ARMC9: variants seen among roughly 807,000 people sequenced by gnomAD.
ARMC9 encodes the protein armadillo repeat containing 9, also known as lisH domain-containing protein ARMC9.
ARMC9 carries 94 observed loss-of-function variants against 107.0 expected under a neutral mutation model. That is an observed-to-expected ratio of 0.88 (90% CI 0.74 to 1.04). The LOEUF (loss-of-function observed/expected upper bound fraction) is 1.04. ARMC9 is among the 50% of genes least tolerant of loss of function. ARMC9 has a pLI of 0.00. For missense variants in ARMC9, 942 were observed against 1,030.1 expected (o/e 0.91, Z 1.17); for synonymous variants, 380 against 396.9 (o/e 0.96, Z 0.51).
intron 19 of ARMC9, 124 bp downstream of exon 19, chr2:231,296,377 T>G: frequency 3.3e-6 from 3 of 897,760 alleles, no homozygotes; most frequent in Non-Finnish European, 5.1e-6. Flanking sequence ...CTCACAATTC[T>G]GAGGGTTGGC....
chr2:231,226,224 A>G (rs2034631471), intron 6 of ARMC9, among the ~76,000 whole-genome samples: 1 of 152,244 alleles, frequency 6.6e-6, no homozygotes, highest in Non-Finnish European at 1.5e-5. Flanking sequence ...ATACTAAGGA[A>G]AAGTTTAAGA....
At position 231,360,829 on chromosome 2, in the gene ARMC9, C is replaced by T. The variant is rs375034723; in HGVS notation, c.2207C>T (p.Thr736Ile). The T allele has an allele frequency of 2.0e-6, 3 of 1,535,612 alleles. No homozygotes were observed. In the African/African-American group the frequency reaches 4.1e-5, roughly 21 times the overall value. Residue 736 changes from threonine (T) to isoleucine (I), a missense_variant, in exon 23 of 25, where the codon ACC becomes ATC. Transcript: ENST00000611582. This position sits in a 1 kb window ranked among gnomAD's most constrained non-coding sequence, Gnocchi z 4.7. ...QEEPRPAPTG[T>I]PRQPREAPQD... ...GAGCCTCGCCCAGCCCCCACGGGGA[C>T]CCCCCGCCAGCCAAGGGAGGCGCCC...
At chr2:231,273,124 T>G in intron 14 of ARMC9, 46 bp downstream of exon 14, 1 of 1,578,036 alleles carries the variant, frequency 6.3e-7, no homozygotes, top group Non-Finnish European at 8.6e-7. Flanking sequence ...GAGATCAGAT[T>G]GAGTTAAAAT....
chr2:231,231,031 T>A (rs970442215), intron 7 of ARMC9, among the ~76,000 whole-genome samples: 1 of 152,210 alleles, frequency 6.6e-6, no homozygotes, highest in Non-Finnish European at 1.5e-5. Flanking sequence ...TGCCACACTT[T>A]GAAATTGTCA....
chr2:231,285,788 T>C (rs191720924), intron 17 of ARMC9, among the ~76,000 whole-genome samples: 1 of 152,322 alleles, frequency 6.6e-6, no homozygotes, highest in African/African-American at 2.4e-5. Context: ...GAGAGTGACC[T>C]CTAAGGGATG....
chr2:231,355,713 G>A (rs954928162), intron 21 of ARMC9, 85 bp from the exon 22 acceptor site: 93 of 1,423,104 alleles, frequency 6.5e-5, no homozygotes, highest in Non-Finnish European at 8.1e-5. Flanking sequence ...GCCCCCTCCT[G>A]TATTTGTGAT....
At chr2:231,212,003 G>T (rs2032935570) in intron 3 of ARMC9, among the ~76,000 whole-genome samples, 1 of 151,882 alleles carries the variant, frequency 6.6e-6, no homozygotes, top group African/African-American at 2.4e-5. Flanking sequence ...AAGAAGAGTG[G>T]GGAAAAAATT....
intron 4 of ARMC9, among the ~76,000 whole-genome samples, chr2:231,215,761 C>T (rs2033430183): frequency 6.6e-6 from 1 of 152,174 alleles, no homozygotes; most frequent in South Asian, 2.1e-4. Context: ...TGTCAGAACA[C>T]CAACGGTGGG....
chr2:231,266,102 G>A (rs2038840821), intron 12 of ARMC9, among the ~76,000 whole-genome samples: 1 of 152,170 alleles, frequency 6.6e-6, no homozygotes, highest in Admixed American at 6.5e-5. Context: ...TGTCACTATG[G>A]CACCAAGGTA....
chr2:231,200,249 A>G (rs902118384), intron 1 of ARMC9, among the ~76,000 whole-genome samples: 5 of 152,294 alleles, frequency 3.3e-5, no homozygotes, highest in Admixed American at 2.6e-4. Context: ...TTCCCGTTCC[A>G]GGGCCTTTAA....
chr2:231,364,739 A>C (rs199825848), intron 23 of ARMC9, among the ~76,000 whole-genome samples: 5 of 151,494 alleles, frequency 3.3e-5, no homozygotes, highest in African/African-American at 1.2e-4. Flanking sequence ...TGGAGGTTGC[A>C]GTGAGCCGAG....
chr2:231,369,850 T>C, intron 23 of ARMC9, 103 bp from the exon 24 acceptor site: 1 of 1,222,162 alleles, frequency 8.2e-7, no homozygotes, highest in Non-Finnish European at 1.1e-6. Flanking sequence ...CGCCTTGGCC[T>C]CTCAGAGTGC....
At chr2:231,327,521 T>C (rs1161019901) in intron 19 of ARMC9, among the ~76,000 whole-genome samples, 1 of 152,244 alleles carries the variant, frequency 6.6e-6, no homozygotes, top group East Asian at 1.9e-4. Context: ...TAGTTCCTTT[T>C]CTTTCTGAGT....
At chr2:231,244,785 C>T (rs1323109531) in intron 9 of ARMC9, among the ~76,000 whole-genome samples, 1 of 152,258 alleles carries the variant, frequency 6.6e-6, no homozygotes, top group East Asian at 1.9e-4. Flanking sequence ...GCTGCCATTG[C>T]TGTGGCCACC....
In ARMC9 at chr2:231,372,678, TA is replaced by T. The variant is rs2046066204; in HGVS notation, c.*1147del. ...ATGTTACCCAAGCTCTAAAATCAAA[TA>T]AAACCCATCAGTATTTAGTGGTGTG... On this transcript the variant is annotated 3_prime_UTR_variant, in exon 25 of 25. Coordinates refer to ENST00000611582, the MANE Select transcript of ARMC9 (RefSeq NM_001352754.2). The T allele has an allele frequency of 6.6e-6, 1 of 150,864 alleles. No homozygotes were observed. The allele number at this position is 150,864 out of a possible 1,614,324, so 9.3% of individuals were successfully genotyped here. A position where few individuals can be genotyped will look rare whatever the true frequency, so the allele number is the denominator to read the frequency against.
chr2:231,233,872 A>G lies in ARMC9; in HGVS notation c.623-1352A>G, dbSNP rs559971808. ...AAATAGTAGTAATAGCCACCACTAT[A>G]TAACCTTCTCTAGGTCAGCCATTGT... On this transcript the variant is annotated intron_variant, in intron 7 of 24. Transcript: ENST00000611582. Among the ~76,000 whole-genome samples, 5 of 152,330 alleles carry G rather than the reference A, an allele frequency of 3.3e-5. No individual in the cohort carries two copies. The South Asian group carries it at 6.2e-4, about 19-fold the overall frequency.
chr2:231,280,878 G>A (rs149830986), intron 16 of ARMC9, among the ~76,000 whole-genome samples: 8 of 152,312 alleles, frequency 5.3e-5, no homozygotes, highest in African/African-American at 1.4e-4. Context: ...ATGTTCAGTC[G>A]TGCTAGTTCA....
chr2:231,371,352 G>C (rs2046013551), intron 24 of ARMC9, among the ~76,000 whole-genome samples, 161 bp from the exon 25 acceptor site: 1 of 152,184 alleles, frequency 6.6e-6, no homozygotes, highest in African/African-American at 2.4e-5. Context: ...TGTGAGGAAA[G>C]AGCCGGCCCG....
intron 9 of ARMC9, among the ~76,000 whole-genome samples, chr2:231,249,385 G>A (rs566557180): frequency 2.8e-4 from 42 of 152,222 alleles, no homozygotes; most frequent in Non-Finnish European, 4.3e-4. Flanking sequence ...TCTCCAGTTA[G>A]ATCGGACCCA....
Sources: gnomAD v4.1 joint callset for allele counts (sites outside exome capture counted in the v4.1 genomes callset) on GRCh38, gnomAD v4.1.1 for gene constraint, Gnocchi (gnomAD v3.1) non-coding constraint, MANE v1.5 for transcripts, NCBI Gene and HGNC (gene_info 2026-07-23, HGNC 2026-07-21) for gene names.